BMPR1A: variants seen among roughly 807,000 people sequenced by gnomAD.
The protein encoded by BMPR1A is bone morphogenetic protein receptor type 1A, also known as bone morphogenetic protein receptor type-1A.
In BMPR1A, 7 loss-of-function variants were observed where a neutral mutation model predicts 66.0. The ratio of observed to expected loss-of-function variants is 0.11; its 90% confidence interval spans 0.06 to 0.20. The LOEUF is 0.20. BMPR1A is among the 10% of genes least tolerant of loss of function. The pLI, the probability that BMPR1A is intolerant of heterozygous loss-of-function variation, is 1.00. For missense variants in BMPR1A, 408 were observed against 669.1 expected (o/e 0.61, Z 4.31); for synonymous variants, 200 against 229.7 (o/e 0.87, Z 1.17).
chr10:86,832,091 C>T (rs543974349), intron 1 of BMPR1A, among the ~76,000 whole-genome samples: 31 of 152,238 alleles, frequency 2.0e-4, no homozygotes, highest in African/African-American at 6.5e-4. Context: ...AGGCAGGTTA[C>T]GTTAAATAGA....
At chr10:86,789,569 T>G (rs946254671) in intron 1 of BMPR1A, among the ~76,000 whole-genome samples, 2 of 151,734 alleles carry the variant, frequency 1.3e-5, no homozygotes, top group Non-Finnish European at 2.9e-5. Flanking sequence ...AAAAATTAGC[T>G]GGGTGTGATG....
chr10:86,856,386 G>A (rs1459918812), intron 2 of BMPR1A: 2 of 311,132 alleles, frequency 6.4e-6, no homozygotes, highest in African/African-American at 4.4e-5. Flanking sequence ...CCAGAGTCTC[G>A]CCCCGAGGCA....
intron 3 of BMPR1A, among the ~76,000 whole-genome samples, chr10:86,877,882 G>A (rs544730977): frequency 2.6e-5 from 4 of 152,106 alleles, no homozygotes; most frequent in East Asian, 1.9e-4. Flanking sequence ...CTCAGTCTTC[G>A]CCCCAGTTCA....
chr10:86,888,826 C>CAAAAAAA (rs11353145), intron 3 of BMPR1A, among the ~76,000 whole-genome samples: 27 of 85,468 alleles, frequency 3.2e-4, no homozygotes, highest in African/African-American at 9.3e-4. Flanking sequence ...GACCATGTCT[C>CAAAAAAA]AAAAAAAAAA....
At chr10:86,766,328 T>C (rs2132622476) in intron 1 of BMPR1A, among the ~76,000 whole-genome samples, 1 of 152,344 alleles carries the variant, frequency 6.6e-6, no homozygotes, top group East Asian at 1.9e-4. Context: ...TAAGCAGTTA[T>C]TCCATTTTCT....
chr10:86,922,047 C>G (rs1843672829), intron 11 of BMPR1A, among the ~76,000 whole-genome samples: 1 of 152,098 alleles, frequency 6.6e-6, no homozygotes, highest in African/African-American at 2.4e-5. Flanking sequence ...TAAACATCCC[C>G]CCCCATCTGC....
chr10:86,809,538 C>T (rs1841938339), intron 1 of BMPR1A, among the ~76,000 whole-genome samples: 1 of 151,892 alleles, frequency 6.6e-6, no homozygotes, highest in Admixed American at 6.6e-5. Flanking sequence ...AAGTGATCCT[C>T]CTGCCTCAGT....
chr10:86,900,519 G>A (rs1310414551), intron 7 of BMPR1A, among the ~76,000 whole-genome samples: 3 of 150,904 alleles, frequency 2.0e-5, no homozygotes, highest in Non-Finnish European at 4.4e-5. Flanking sequence ...TGCCAAAAAA[G>A]AAGAGTAATA....
At chr10:86,773,781 T>C (rs1205063478) in intron 1 of BMPR1A, among the ~76,000 whole-genome samples, 3 of 152,044 alleles carry the variant, frequency 2.0e-5, no homozygotes, top group South Asian at 2.1e-4. Context: ...GAAAAAGATA[T>C]CTTAAATAGA....
At chr10:86,785,750 G>C (rs1375080784) in intron 1 of BMPR1A, among the ~76,000 whole-genome samples, 1 of 152,196 alleles carries the variant, frequency 6.6e-6, no homozygotes, top group African/African-American at 2.4e-5. Context: ...GTTACTGTCT[G>C]TTTTTTCTTT....
At chr10:86,768,584 A>G (rs574605421) in intron 1 of BMPR1A, among the ~76,000 whole-genome samples, 10 of 152,388 alleles carry the variant, frequency 6.6e-5, no homozygotes, top group Non-Finnish European at 1.3e-4. Flanking sequence ...AAAAGAAGTC[A>G]TTCAATTGAG....
intron 2 of BMPR1A, chr10:86,855,543 G>C (rs1468413494): frequency 2.2e-6 from 1 of 450,142 alleles, no homozygotes; most frequent in East Asian, 3.5e-5. Flanking sequence ...TCTATTTTTT[G>C]AAAATAGTAT....
intron 1 of BMPR1A, among the ~76,000 whole-genome samples, chr10:86,832,971 A>C (rs932099984): frequency 6.6e-6 from 1 of 152,134 alleles, no homozygotes; most frequent in South Asian, 2.1e-4. Context: ...AAATTAGGGC[A>C]TGGTGGCTCA....
intron 1 of BMPR1A, among the ~76,000 whole-genome samples, chr10:86,759,167 G>T (rs1309515074): frequency 1.3e-5 from 2 of 152,174 alleles, no homozygotes; most frequent in Non-Finnish European, 2.9e-5. Flanking sequence ...TGTGAAGGAT[G>T]AGCAAGAGTT....
intron 1 of BMPR1A, among the ~76,000 whole-genome samples, chr10:86,830,259 T>G (rs1204912270): frequency 6.6e-6 from 1 of 152,208 alleles, no homozygotes; most frequent in Non-Finnish European, 1.5e-5. Flanking sequence ...TCAGACACCT[T>G]GACGGGAGGT....
chr10:86,843,067 T>G (rs1477844005), intron 2 of BMPR1A, among the ~76,000 whole-genome samples: 1 of 152,198 alleles, frequency 6.6e-6, no homozygotes, highest in Admixed American at 6.5e-5. Flanking sequence ...TAGGCTATTC[T>G]TAACTGTTTC....
intron 3 of BMPR1A, among the ~76,000 whole-genome samples, chr10:86,880,508 C>A (rs1842972953): frequency 6.6e-6 from 1 of 152,170 alleles, no homozygotes; most frequent in African/African-American, 2.4e-5. Context: ...TTTGTTTACT[C>A]TTCTAGTCAC....
At chr10:86,854,952 T>C (rs1158168782) in intron 2 of BMPR1A, 2 of 178,508 alleles carry the variant, frequency 1.1e-5, no homozygotes, top group African/African-American at 4.8e-5. Context: ...TTTTTTTCTT[T>C]TTGAGACAGA....
At chr10:86,781,613 T>G (rs549990968) in intron 1 of BMPR1A, among the ~76,000 whole-genome samples, 1 of 152,254 alleles carries the variant, frequency 6.6e-6, no homozygotes, top group South Asian at 2.1e-4. Flanking sequence ...TTGTGTAGTA[T>G]TTCTGGCACT....
Sources: allele counts gnomAD v4.1 joint callset (sites outside exome capture counted in the v4.1 genomes callset), GRCh38; gene constraint gnomAD v4.1.1; transcripts MANE v1.5; gene names NCBI Gene and HGNC (gene_info 2026-07-23, HGNC 2026-07-21).